EDIL3: variants seen among roughly 807,000 people sequenced by gnomAD.
The protein encoded by EDIL3 is EGF like and discoidin domains 3.
Under a neutral mutation model 67.4 loss-of-function variants are expected in EDIL3, and 37 were observed. The ratio of observed to expected loss-of-function variants is 0.55; its 90% confidence interval spans 0.42 to 0.72. The LOEUF (loss-of-function observed/expected upper bound fraction) is 0.72. Ranked by LOEUF, EDIL3 falls within the 30% of genes least tolerant of loss-of-function variation. The probability of loss-of-function intolerance (pLI) is 0.00; values close to 1 mark genes in which losing one functional copy is unlikely to be tolerated. For synonymous variants in EDIL3, 195 were observed against 196.3 expected (o/e 0.99, Z 0.05); for missense variants, 527 against 586.3 (o/e 0.90, Z 1.04).
chr5:84,106,968 G>T, intron 5 of EDIL3, 138 bp from the exon 6 acceptor site: 4 of 920,732 alleles, frequency 4.3e-6, no homozygotes, highest in East Asian at 2.7e-5. Flanking sequence ...CCCCTTTACA[G>T]ATCTGTTATC....
At chr5:83,950,195 T>C (rs369609385) in intron 10 of EDIL3, among the ~76,000 whole-genome samples, 1 of 151,994 alleles carries the variant, frequency 6.6e-6, no homozygotes, top group East Asian at 2.0e-4. Context: ...AGATGATCTG[T>C]ATCCATATCC....
intron 2 of EDIL3, among the ~76,000 whole-genome samples, chr5:84,241,886 G>T (rs1321270972): frequency 6.6e-6 from 1 of 151,910 alleles, no homozygotes; most frequent in East Asian, 1.9e-4. Context: ...TTATGAGCCA[G>T]ACACTGTTTT....
chr5:84,119,417 C>A (rs1026265498), intron 5 of EDIL3, among the ~76,000 whole-genome samples: 1 of 152,002 alleles, frequency 6.6e-6, no homozygotes, highest in Non-Finnish European at 1.5e-5. Flanking sequence ...TCAGATATTT[C>A]TGTCACCAAA....
At chr5:84,315,191 C>T (rs1157035782) in intron 1 of EDIL3, among the ~76,000 whole-genome samples, 2 of 152,130 alleles carry the variant, frequency 1.3e-5, no homozygotes, top group Non-Finnish European at 2.9e-5. Flanking sequence ...CTGGACTCAA[C>T]TCTGCACTTT....
At chr5:84,123,481 G>A (rs538924423) in intron 5 of EDIL3, among the ~76,000 whole-genome samples, 4 of 151,876 alleles carry the variant, frequency 2.6e-5, no homozygotes, top group East Asian at 3.9e-4. Context: ...TCATATTCAC[G>A]TTAATGTAGA....
Position 83,962,531 on chromosome 5 carries a change from A to G in EDIL3, c.1293+674T>C, listed in dbSNP as rs115102219. Among the ~76,000 whole-genome samples, 354 of 151,782 alleles carry G rather than the reference A, an allele frequency of 2.3e-3. 4 individuals carry two copies. Among genetic ancestry groups the G allele is most frequent in the African/African-American group, 8.2e-3 (340 of 41,538 alleles). On this transcript the variant is annotated intron_variant, in intron 10 of 10. Coordinates refer to ENST00000296591, the MANE Select transcript of EDIL3 (RefSeq NM_005711.5). The stretch of plus-strand genomic sequence containing the variant: ...ATGCTCAAAATGCTAAACATTAAAA[A>G]AGATAAAAATTGTATGGCATTGATT...
chr5:84,111,845 T>C (rs995386244), intron 5 of EDIL3, among the ~76,000 whole-genome samples: 1 of 152,146 alleles, frequency 6.6e-6, no homozygotes, highest in Non-Finnish European at 1.5e-5. Context: ...AACATTTTTA[T>C]ATAATATGGC....
chr5:84,106,884 A>T, intron 5 of EDIL3, 54 bp from the exon 6 acceptor site: 1 of 1,501,958 alleles, frequency 6.7e-7, no homozygotes, highest in African/African-American at 1.4e-5. Flanking sequence ...TGCATATACA[A>T]CATGTGTCTG....
chr5:84,260,076 T>C (rs1745199807), intron 1 of EDIL3, among the ~76,000 whole-genome samples: 1 of 152,210 alleles, frequency 6.6e-6, no homozygotes, highest in African/African-American at 2.4e-5. Flanking sequence ...CTTTATATGT[T>C]AGTGTTTGTC....
chr5:83,968,964 T>C (rs1352829502), intron 9 of EDIL3, among the ~76,000 whole-genome samples: 1 of 151,830 alleles, frequency 6.6e-6, no homozygotes, highest in Non-Finnish European at 1.5e-5. Flanking sequence ...ACAAGTCTGT[T>C]ACCATGAGAT....
At chr5:84,198,983 A>G (rs1241990094) in intron 3 of EDIL3, among the ~76,000 whole-genome samples, 1 of 152,064 alleles carries the variant, frequency 6.6e-6, no homozygotes, top group Non-Finnish European at 1.5e-5. Flanking sequence ...TAAAGAACAA[A>G]TTGCAACTTT....
chr5:84,322,204 A>C (rs575391825), intron 1 of EDIL3, among the ~76,000 whole-genome samples: 1 of 151,832 alleles, frequency 6.6e-6, no homozygotes, highest in Non-Finnish European at 1.5e-5. Flanking sequence ...AGTATGACCC[A>C]CTCAAAAAAA....
chr5:84,195,531 T>C (rs1743687235), intron 3 of EDIL3, among the ~76,000 whole-genome samples: 1 of 152,008 alleles, frequency 6.6e-6, no homozygotes, highest in Non-Finnish European at 1.5e-5. Context: ...TAGGATTGTA[T>C]ATTCAGTCTT....
At chr5:84,210,677 A>G (rs1363138857) in intron 3 of EDIL3, among the ~76,000 whole-genome samples, 1 of 152,198 alleles carries the variant, frequency 6.6e-6, no homozygotes, top group East Asian at 1.9e-4. Context: ...CAGAGTTACC[A>G]CTGAAATCAA....
intron 9 of EDIL3, among the ~76,000 whole-genome samples, chr5:83,984,559 T>G (rs1197936535): frequency 6.6e-6 from 1 of 151,966 alleles, no homozygotes. Flanking sequence ...GAAACAGCAG[T>G]TCTAATAATG....
chr5:84,056,134 A>G (rs1416434463), intron 9 of EDIL3, among the ~76,000 whole-genome samples: 2 of 152,188 alleles, frequency 1.3e-5, no homozygotes, highest in Admixed American at 6.5e-5. Flanking sequence ...ATGGAATACT[A>G]GGCAGCCATA....
At chr5:84,188,832 C>G (rs909052883) in intron 3 of EDIL3, among the ~76,000 whole-genome samples, 4 of 151,984 alleles carry the variant, frequency 2.6e-5, no homozygotes, top group Non-Finnish European at 5.9e-5. Flanking sequence ...TCAGAAGAAA[C>G]CAAATCTCCA....
chr5:84,064,271 G>T (rs1746594407), intron 8 of EDIL3, among the ~76,000 whole-genome samples: 1 of 152,140 alleles, frequency 6.6e-6, no homozygotes, highest in African/African-American at 2.4e-5. Context: ...AAGTTCTTAT[G>T]ATAGATGGAC....
intron 9 of EDIL3, among the ~76,000 whole-genome samples, chr5:84,057,605 T>C (rs1164014196): frequency 6.6e-6 from 1 of 152,182 alleles, no homozygotes; most frequent in Non-Finnish European, 1.5e-5. Context: ...GATGGCTATA[T>C]ATTATAAAAA....
Sources: gnomAD v4.1 joint callset for allele counts (sites outside exome capture counted in the v4.1 genomes callset) on GRCh38, gnomAD v4.1.1 for gene constraint, MANE v1.5 for transcripts, NCBI Gene and HGNC (gene_info 2026-07-23, HGNC 2026-07-21) for gene names.